ADGRL2: variants seen among roughly 807,000 people sequenced by gnomAD.
The protein encoded by ADGRL2 is calcium-independent alpha-latrotoxin receptor 2.
ADGRL2 carries 44 observed loss-of-function variants against 157.4 expected under a neutral mutation model. That is an observed-to-expected ratio of 0.28 (90% CI 0.22 to 0.36). The LOEUF (loss-of-function observed/expected upper bound fraction) is 0.36, where lower values mean the gene tolerates loss of function less well. ADGRL2 is among the 10% of genes least tolerant of loss of function. The pLI is 1.00. For missense variants in ADGRL2, 1,510 were observed against 1,768.9 expected, an observed-to-expected ratio of 0.85 and a Z score of 2.63; for synonymous variants, 585 against 624.7, an observed-to-expected ratio of 0.94 and a Z score of 0.95.
intron 3 of ADGRL2, among the ~76,000 whole-genome samples, chr1:81,599,856 T>A (rs777383478): frequency 1.3e-5 from 2 of 152,180 alleles, no homozygotes; most frequent in Admixed American, 6.6e-5. Context: ...TAACACATTT[T>A]AAAAGTTCCA....
intron 2 of ADGRL2, among the ~76,000 whole-genome samples, chr1:81,505,740 C>CAAAAAAAAAAAAAAA (rs59062091): frequency 1.2e-5 from 1 of 85,082 alleles, no homozygotes; most frequent in Non-Finnish European, 2.4e-5. Context: ...TGTCCTCCTG[C>CAAAAAAAAAAAAAAA]AAAAAAAAAA....
At chr1:81,771,061 C>G (rs573583938) in intron 2 of ADGRL2, among the ~76,000 whole-genome samples, 12 of 152,008 alleles carry the variant, frequency 7.9e-5, no homozygotes, top group Non-Finnish European at 1.6e-4. Context: ...CTTACATACT[C>G]TAGTAACTAG....
intron 2 of ADGRL2, chr1:81,514,044 A>C (rs2079128269): frequency 7.0e-6 from 1 of 142,584 alleles, no homozygotes; most frequent in African/African-American, 2.9e-5. Context: ...AGTCAAATCA[A>C]GCTGAAAGAC....
At chr1:81,356,510 G>A (rs1663299544) in intron 1 of ADGRL2, among the ~76,000 whole-genome samples, 1 of 152,120 alleles carries the variant, frequency 6.6e-6, no homozygotes, top group African/African-American at 2.4e-5. Context: ...GAAAAAAGAA[G>A]TGAGAAGGTC....
chr1:81,591,310 C>G (rs534627149), intron 3 of ADGRL2, among the ~76,000 whole-genome samples: 2 of 152,250 alleles, frequency 1.3e-5, no homozygotes, highest in Non-Finnish European at 2.9e-5. Flanking sequence ...CAGGGTACTA[C>G]TCCTTTTTTT....
intron 1 of ADGRL2, among the ~76,000 whole-genome samples, chr1:81,382,324 TATTCCATTATTATTG>T (rs1302101579): frequency 2.0e-5 from 3 of 152,152 alleles, no homozygotes; most frequent in Non-Finnish European, 4.4e-5. Context: ...GATTTTTCAG[TATTCCATTATTATTG>T]AGACTACTAT....
intron 2 of ADGRL2, among the ~76,000 whole-genome samples, chr1:81,523,418 T>TAC (rs201243904): frequency 0.012 from 1,837 of 151,988 alleles, 49 homozygotes; most frequent in African/African-American, 0.042. Flanking sequence ...TTGGCATGCA[T>TAC]ACACACACAC....
At chr1:81,944,531 T>C (rs983670469) in intron 6 of ADGRL2, among the ~76,000 whole-genome samples, 2 of 152,092 alleles carry the variant, frequency 1.3e-5, no homozygotes, top group African/African-American at 4.8e-5. Flanking sequence ...AAACGAATAC[T>C]TCATTAAAAC....
chr1:81,477,244 TTA>T (rs1410987955), intron 2 of ADGRL2, among the ~76,000 whole-genome samples: 1 of 152,144 alleles, frequency 6.6e-6, no homozygotes, highest in Non-Finnish European at 1.5e-5. Flanking sequence ...CAATAAGAGG[TTA>T]AGTAACTTGC....
intron 3 of ADGRL2, among the ~76,000 whole-genome samples, chr1:81,688,958 A>G (rs1374733888): frequency 1.3e-5 from 2 of 152,152 alleles, no homozygotes; most frequent in Non-Finnish European, 2.9e-5. Flanking sequence ...CTAGCCACCC[A>G]GCAAGTCTAC....
intron 3 of ADGRL2, among the ~76,000 whole-genome samples, chr1:81,593,934 A>G (rs979419449): frequency 6.6e-6 from 1 of 152,204 alleles, no homozygotes; most frequent in Non-Finnish European, 1.5e-5. Context: ...CACAAGCAAG[A>G]AGCTTCGGAG....
chr1:81,540,545 T>TTTA (rs2079857491), intron 2 of ADGRL2, among the ~76,000 whole-genome samples: 3 of 152,194 alleles, frequency 2.0e-5, no homozygotes, highest in African/African-American at 7.2e-5. Context: ...TTAGATAGGG[T>TTTA]GATCACAAAG....
At chr1:81,309,384 A>G (rs1659574287) in intron 1 of ADGRL2, among the ~76,000 whole-genome samples, 1 of 152,178 alleles carries the variant, frequency 6.6e-6, no homozygotes, top group Non-Finnish European at 1.5e-5. Flanking sequence ...AAAGAGAGGT[A>G]CAGAGAGGTT....
At chr1:81,599,491 G>A (rs200614201) in intron 3 of ADGRL2, among the ~76,000 whole-genome samples, 1 of 152,120 alleles carries the variant, frequency 6.6e-6, no homozygotes, top group East Asian at 1.9e-4. Flanking sequence ...GTCTCCTCAA[G>A]CAAAAGGAGT....
chr1:81,532,942 T>TTCTATCTA (rs10554439), intron 2 of ADGRL2, among the ~76,000 whole-genome samples: 10,009 of 150,156 alleles, frequency 0.067, 372 homozygotes, highest in Non-Finnish European at 0.078. Flanking sequence ...CAACAAAAAA[T>TTCTATCTA]TCTATCTATC....
intron 3 of ADGRL2, among the ~76,000 whole-genome samples, chr1:81,651,160 A>G (rs925294367): frequency 3.9e-5 from 6 of 152,306 alleles, no homozygotes; most frequent in Middle Eastern, 6.8e-3. Context: ...CAGCTGTCCT[A>G]TATTTGCAAA....
chr1:81,714,335 A>C (rs2084036628), intron 1 of ADGRL2, among the ~76,000 whole-genome samples: 1 of 152,226 alleles, frequency 6.6e-6, no homozygotes, highest in African/African-American at 2.4e-5. Context: ...ATAAGGAATA[A>C]ATTGTTACCT....
chr1:81,496,380 G>T (rs1286374970), intron 2 of ADGRL2, among the ~76,000 whole-genome samples: 3 of 152,116 alleles, frequency 2.0e-5, no homozygotes, highest in African/African-American at 7.2e-5. Context: ...GCAAAAAAGG[G>T]GGAGAAATCA....
chr1:81,917,821 T>C (rs1375934349), intron 3 of ADGRL2, among the ~76,000 whole-genome samples: 1 of 145,310 alleles, frequency 6.9e-6, no homozygotes, highest in Non-Finnish European at 1.6e-5. Flanking sequence ...TTTGTGGAAA[T>C]CTTACTCTGT....
Sources: gnomAD v4.1 joint callset for allele counts (sites outside exome capture counted in the v4.1 genomes callset) on GRCh38, gnomAD v4.1.1 for gene constraint, MANE v1.5 for transcripts, NCBI Gene and HGNC (gene_info 2026-07-23, HGNC 2026-07-21) for gene names.